The following RYR2 variants were observed in gnomAD, a reference collection of about 807,000 sequenced individuals.
RYR2 encodes the protein ryanodine receptor 2.
A neutral mutation model predicts 601.1 loss-of-function variants in RYR2; 227 were observed. That is an observed-to-expected ratio of 0.38 (90% CI 0.34 to 0.42). RYR2 has a LOEUF of 0.42. Ranked by LOEUF, RYR2 falls within the 10% of genes least tolerant of loss-of-function variation. The pLI is 1.00. For synonymous variants in RYR2, 2,223 were observed against 2,175.1 expected (o/e 1.02, Z -0.61); for missense variants, 4,646 against 6,156.5 (o/e 0.75, Z 8.21).
At chr1:237,719,670 C>T (rs530248742) in intron 73 of RYR2, among the ~76,000 whole-genome samples, 2 of 152,280 alleles carry the variant, frequency 1.3e-5, no homozygotes, top group South Asian at 4.1e-4. Context: ...CAGGCCCCGC[C>T]TCCAACACTG....
intron 60 of RYR2, 52 bp from the exon 61 acceptor site, chr1:237,677,996 T>A (rs1297957697): frequency 2.9e-6 from 3 of 1,037,566 alleles, no homozygotes; most frequent in Non-Finnish European, 4.5e-6. Context: ...TGGATGAATA[T>A]CTTGCAATGT....
intron 1 of RYR2, among the ~76,000 whole-genome samples, chr1:237,231,929 C>T (rs1685039724): frequency 6.6e-6 from 1 of 152,176 alleles, no homozygotes; most frequent in African/African-American, 2.4e-5. Context: ...CTTCTGTGGA[C>T]AATTGCTGTA....
chr1:237,548,647 T>C, intron 26 of RYR2, 57 bp downstream of exon 26: 1 of 1,584,482 alleles, frequency 6.3e-7, no homozygotes, highest in South Asian at 1.1e-5. Flanking sequence ...TAGCATAATT[T>C]GTAACAGGAA....
intron 10 of RYR2, among the ~76,000 whole-genome samples, chr1:237,396,739 A>G (rs1376213357): frequency 6.6e-6 from 1 of 152,248 alleles, no homozygotes; most frequent in Non-Finnish European, 1.5e-5. Context: ...CGTTTTCCCC[A>G]GACTTAAAAG....
intron 17 of RYR2, among the ~76,000 whole-genome samples, chr1:237,478,720 A>G (rs1430369127): frequency 5.3e-5 from 8 of 152,202 alleles, no homozygotes; most frequent in Non-Finnish European, 1.2e-4. Context: ...ACAGCTGGGA[A>G]ACTGAGACAT....
At chr1:237,487,109 T>A (rs1662764648) in intron 17 of RYR2, among the ~76,000 whole-genome samples, 1 of 152,178 alleles carries the variant, frequency 6.6e-6, no homozygotes, top group Admixed American at 6.5e-5. Flanking sequence ...GCCAAGCTTT[T>A]AAATTTGAGA....
In RYR2 at chr1:237,602,077, C is replaced by T; in HGVS notation, c.4649C>T (p.Pro1550Leu). 1.2e-6 allele frequency: 2 copies of T among 1,612,806 alleles called. No individual in the cohort carries two copies. Among genetic ancestry groups the T allele is most frequent in the Non-Finnish European group, 1.7e-6 (2 of 1,179,316 alleles). Residue 1550 changes from proline (P) to leucine (L), a missense_variant, in exon 35 of 105, where the codon CCC becomes CTC. By Grantham distance (98) the Pro-to-Leu change is moderately conservative. Around this residue, in one of 17 missense-constraint regions of RYR2, gnomAD observed 1,807 missense variants for 2,088.1 expected, o/e 0.87. Coordinates refer to ENST00000366574, the MANE Select transcript of RYR2 (RefSeq NM_001035.3). ...GCGGTTTTTGCACAAGCTACAAGTCCCAATGTTTTCCAGTTTGAGTTGGGA... is the reference window on the plus strand; with the variant it reads ...GCGGTTTTTGCACAAGCTACAAGTCTCAATGTTTTCCAGTTTGAGTTGGGA... ...FPAVFAQATS[P>L]NVFQFELGRI...
In RYR2 at chr1:237,806,120, C is replaced by G. The variant is rs368078898; in HGVS notation, c.14152-17C>G. 6.7e-5 allele frequency: 108 copies of G among 1,610,758 alleles called. No individual in the cohort carries two copies. In the African/African-American group the frequency reaches 1.3e-3, roughly 20 times the overall value. ...CTGTTTTCTGACATGTTCTTTCCCC[C>G]CGTTTTGTCTTAATAGTCCTTCCTC... On this transcript the variant is annotated splice_polypyrimidine_tract_variant and intron_variant, in intron 98 of 104. Coordinates refer to ENST00000366574, the MANE Select transcript of RYR2 (RefSeq NM_001035.3).
At chr1:237,622,841 C>G (rs1324624556) in intron 38 of RYR2, among the ~76,000 whole-genome samples, 4 of 152,168 alleles carry the variant, frequency 2.6e-5, no homozygotes, top group Non-Finnish European at 5.9e-5. Flanking sequence ...GGCTTTTCAT[C>G]TCTATGGAGG....
intron 17 of RYR2, among the ~76,000 whole-genome samples, chr1:237,476,094 T>C (rs6429019): frequency 0.5 from 75,926 of 152,062 alleles, 20,073 homozygotes; most frequent in East Asian, 0.7. Context: ...ACTTTTTGTG[T>C]AGTCTGTTCC....
At chr1:237,500,618 C>T (rs1056874899) in intron 20 of RYR2, 93 bp from the exon 21 acceptor site, 4 of 1,053,680 alleles carry the variant, frequency 3.8e-6, no homozygotes, top group African/African-American at 1.6e-5. Context: ...ATTGGTTTGT[C>T]ACTACTTATT....
At chr1:237,823,797 G>A (rs537917491) in intron 101 of RYR2, among the ~76,000 whole-genome samples, 22 of 152,086 alleles carry the variant, frequency 1.4e-4, no homozygotes, top group African/African-American at 5.1e-4. Flanking sequence ...GACTAATAAA[G>A]AAGAAAAGAG....
At chr1:237,444,484 T>A (rs1558828434) in intron 13 of RYR2, among the ~76,000 whole-genome samples, 1 of 152,310 alleles carries the variant, frequency 6.6e-6, no homozygotes, top group South Asian at 2.1e-4. Flanking sequence ...TTTAGTTCAG[T>A]ACACCTGGGT....
At chr1:237,654,456 G>T (rs569297067) in intron 52 of RYR2, 42 bp downstream of exon 52, 64 of 1,594,314 alleles carry the variant, frequency 4.0e-5, no homozygotes, top group Non-Finnish European at 5.4e-5. Flanking sequence ...CAATAAAATG[G>T]TATAGAGCCA....
chr1:237,342,681 A>G (rs1697931549), intron 3 of RYR2, among the ~76,000 whole-genome samples: 1 of 152,110 alleles, frequency 6.6e-6, no homozygotes, highest in African/African-American at 2.4e-5. Flanking sequence ...GTGACCCATG[A>G]CTTCCTGGTG....
At chr1:237,742,891 A>G (rs1017767691) in intron 80 of RYR2, among the ~76,000 whole-genome samples, 31 of 152,276 alleles carry the variant, frequency 2.0e-4, no homozygotes, top group Non-Finnish European at 4.4e-4. Context: ...TATTTTCTCA[A>G]ATGCTCTCAG....
At chr1:237,828,065 A>G (rs1242779517) in intron 101 of RYR2, among the ~76,000 whole-genome samples, 2 of 151,834 alleles carry the variant, frequency 1.3e-5, no homozygotes, top group African/African-American at 4.8e-5. Flanking sequence ...TATAAATCTC[A>G]GCTGCTCTTT....
At chr1:237,676,480 C>G (rs2148919007) in intron 60 of RYR2, among the ~76,000 whole-genome samples, 1 of 152,212 alleles carries the variant, frequency 6.6e-6, no homozygotes, top group South Asian at 2.1e-4. Context: ...AATGACAGAG[C>G]CCAGCCAAAT....
At chr1:237,656,553 G>A (rs1683264186) in intron 53 of RYR2, among the ~76,000 whole-genome samples, 1 of 152,218 alleles carries the variant, frequency 6.6e-6, no homozygotes, top group South Asian at 2.1e-4. Context: ...CGACGTCTGA[G>A]CATTTTGTTG....
Sources: gnomAD v4.1 joint callset for allele counts (sites outside exome capture counted in the v4.1 genomes callset) on GRCh38, gnomAD v4.1.1 for gene constraint, gnomAD v4.1.1 regional missense constraint, MANE v1.5 for transcripts, NCBI Gene and HGNC (gene_info 2026-07-23, HGNC 2026-07-21) for gene names.